Variants in CCBE1 observed in about 807,000 individuals in gnomAD.
The protein encoded by CCBE1 is collagen and calcium-binding EGF domain-containing protein 1.
A neutral mutation model predicts 50.0 loss-of-function variants in CCBE1; 37 were observed. That is an observed-to-expected ratio of 0.74 (90% CI 0.57 to 0.97). CCBE1 has a LOEUF of 0.97. CCBE1 is among the 50% of genes least tolerant of loss of function. The probability of loss-of-function intolerance (pLI) is 0.00; values close to 1 mark genes in which losing one functional copy is unlikely to be tolerated. For synonymous variants in CCBE1, 234 were observed against 203.7 expected (o/e 1.15, Z -1.27); for missense variants, 538 against 523.8 (o/e 1.03, Z -0.26).
At position 59,500,472 on chromosome 18, in the gene CCBE1, T is replaced by C. The variant is rs116878853; in HGVS notation, c.213-20234A>G. Among the ~76,000 whole-genome samples, 10 of 152,268 alleles carry C rather than the reference T, an allele frequency of 6.6e-5. No individual in the cohort carries two copies. In the East Asian group the frequency reaches 1.7e-3, roughly 26 times the overall value. On this transcript the variant is annotated intron_variant, in intron 2 of 10. Coordinates refer to ENST00000439986, the MANE Select transcript of CCBE1 (RefSeq NM_133459.4). ...ACTGTGGGCCATGCTCTCCTGGGTA[T>C]CTTTCTAGTAGAAGCCTCCCAGCAG...
At chr18:59,611,868 T>C (rs1486676998) in intron 2 of CCBE1, among the ~76,000 whole-genome samples, 2 of 152,330 alleles carry the variant, frequency 1.3e-5, no homozygotes, top group East Asian at 1.9e-4. Context: ...TTCAGAGTTA[T>C]AGATTGAAAT....
chr18:59,559,374 C>T (rs559843668), intron 2 of CCBE1, among the ~76,000 whole-genome samples: 26 of 152,334 alleles, frequency 1.7e-4, no homozygotes, highest in African/African-American at 6.0e-4. Context: ...ATAAGCAGCT[C>T]TTGGGCCCCA....
At position 59,432,181 on chromosome 18, in the gene CCBE1, T is replaced by G. The variant is rs974017648; in HGVS notation, c.*3727A>C. 2.0e-5 allele frequency: 3 copies of G among 152,204 alleles called. No homozygotes were observed. The highest frequency in any genetic ancestry group is 4.4e-5 in the Non-Finnish European group (3 of 68,070). The allele number at this position is 152,204 out of a possible 1,614,324, so 9.4% of individuals were successfully genotyped here. A position where few individuals can be genotyped will look rare whatever the true frequency, so the allele number is the denominator to read the frequency against. The stretch of plus-strand genomic sequence containing the variant: ...TCACCACGTGTTGGTCAGGATGGTC[T>G]TGATCTCCTGACCTCATGATGCGCC... On this transcript the variant is annotated 3_prime_UTR_variant, in exon 11 of 11. Coordinates refer to ENST00000439986, the MANE Select transcript of CCBE1 (RefSeq NM_133459.4).
At position 59,674,026 on chromosome 18, in the gene CCBE1, C is replaced by T. The variant is rs962973131; in HGVS notation, c.212+22603G>A. ...AGTTTCAGAAGGAATGGTACCAGCT[C>T]CTCTTTGTACCTCTGGTAGAATTCA... On this transcript the variant is annotated intron_variant, in intron 2 of 10. Coordinates refer to ENST00000439986, the MANE Select transcript of CCBE1 (RefSeq NM_133459.4). Among the ~76,000 whole-genome samples, 3 of 152,136 alleles carry T rather than the reference C, an allele frequency of 2.0e-5. No homozygotes were observed. The East Asian group carries it at 5.8e-4, about 29-fold the overall frequency.
rs2053234231 is a variant in CCBE1, at chr18:59,589,797, A to C, written c.212+106832T>G. Among the ~76,000 whole-genome samples the C allele has an allele frequency of 2.2e-5, 3 of 136,568 alleles. No individual in the cohort carries two copies. In the South Asian group the frequency reaches 7.4e-4, roughly 34 times the overall value. The allele number at this position is 136,568 out of a possible 152,430, so 89.6% of individuals were successfully genotyped here. On this transcript the variant is annotated intron_variant, in intron 2 of 10. Coordinates refer to ENST00000439986, the MANE Select transcript of CCBE1 (RefSeq NM_133459.4). ...CAGAGCGAGACTCCATCTCAAAAAA[A>C]AAAAAAAAAAAAAAGAAAGAAAAAA...
At chr18:59,480,542 G>C (rs1912524125) in intron 2 of CCBE1, among the ~76,000 whole-genome samples, 1 of 152,092 alleles carries the variant, frequency 6.6e-6, no homozygotes, top group South Asian at 2.1e-4. Context: ...AAGGAGTATA[G>C]GGCATAAATA....
rs541238220 is a variant in CCBE1 at position 59,491,845 on chromosome 18, C to T, written c.213-11607G>A. On this transcript the variant is annotated intron_variant, in intron 2 of 10. Transcript: ENST00000439986. ...AAACAAACAAACAAACAAAAAAAAACGTTTCATGGTCTATTCCCCAGCTAA... is the reference window on the plus strand; with the variant it reads ...AAACAAACAAACAAACAAAAAAAAATGTTTCATGGTCTATTCCCCAGCTAA... Among the ~76,000 whole-genome samples, 133 of 25,338 alleles carry T rather than the reference C, an allele frequency of 5.2e-3. 1 individual carries two copies. Among genetic ancestry groups the T allele is most frequent in the African/African-American group, 0.021 (129 of 6,024 alleles). 16.6% of individuals were successfully genotyped at this position (25,338 alleles called of 152,430 possible). A position where few individuals can be genotyped will look rare whatever the true frequency, so the allele number is the denominator to read the frequency against.
chr18:59,481,910 T>G lies in CCBE1; in HGVS notation c.213-1672A>C, dbSNP rs79635893. On this transcript the variant is annotated intron_variant, in intron 2 of 10. Coordinates refer to ENST00000439986, the MANE Select transcript of CCBE1 (RefSeq NM_133459.4). Reference sequence around the variant, plus strand: ...ATATCTGAGTACATATGAAGAATTTTTAAGTTCTGGATACATGTGCAGCGC... The same window carrying G: ...ATATCTGAGTACATATGAAGAATTTGTAAGTTCTGGATACATGTGCAGCGC... Among the ~76,000 whole-genome samples the G allele has an allele frequency of 2.5e-3, 385 of 152,274 alleles. 4 individuals carry two copies. The highest frequency in any genetic ancestry group is 9.0e-3 in the African/African-American group (373 of 41,564).
intron 2 of CCBE1, among the ~76,000 whole-genome samples, chr18:59,539,190 C>CAG (rs1915369328): frequency 7.5e-6 from 1 of 134,178 alleles, no homozygotes; most frequent in Non-Finnish European, 1.6e-5. Context: ...AAAAAACACA[C>CAG]ACACACACAC....
At chr18:59,446,646 T>G (rs1192264334) in intron 7 of CCBE1, among the ~76,000 whole-genome samples, 1 of 152,218 alleles carries the variant, frequency 6.6e-6, no homozygotes, top group Non-Finnish European at 1.5e-5. Context: ...TTGCTGACTT[T>G]CCAACCGAAA....
chr18:59,580,866 A>G (rs528512310), intron 2 of CCBE1, among the ~76,000 whole-genome samples: 1 of 152,320 alleles, frequency 6.6e-6, no homozygotes, highest in East Asian at 1.9e-4. Flanking sequence ...AGTGGCCATG[A>G]CATGCTGGCC....
At chr18:59,477,838 T>C (rs1354479536) in intron 3 of CCBE1, among the ~76,000 whole-genome samples, 1 of 152,164 alleles carries the variant, frequency 6.6e-6, no homozygotes, top group African/African-American at 2.4e-5. Flanking sequence ...AGATTAGGTA[T>C]GGTTTAAGAA....
Position 59,665,197 on chromosome 18 carries a change from G to A in CCBE1, c.212+31432C>T, listed in dbSNP as rs943908118. Among the ~76,000 whole-genome samples, 22 of 151,998 alleles carry A rather than the reference G, an allele frequency of 1.4e-4. 1 individual carries two copies. The highest frequency in any genetic ancestry group is 2.5e-4 in the Non-Finnish European group (17 of 68,000). ...GAGTCCCCCCGAGACAAAAGCTCAC[G>A]CAAGAGGATGCAGGCAAAAGTCTGT... is the stretch of plus-strand genomic sequence containing the variant. On this transcript the variant is annotated intron_variant, in intron 2 of 10. Transcript: ENST00000439986.
chr18:59,502,695 C>CA (rs202079522), intron 2 of CCBE1, among the ~76,000 whole-genome samples: 2,146 of 149,718 alleles, frequency 0.014, 50 homozygotes, highest in African/African-American at 0.048. Flanking sequence ...CCTCCCCCCG[C>CA]AAAAAAAAAG....
At chr18:59,658,879 CAAAAAAAAAAAA>C (rs61226521) in intron 2 of CCBE1, among the ~76,000 whole-genome samples, 3 of 54,754 alleles carry the variant, frequency 5.5e-5, no homozygotes, top group Admixed American at 2.9e-4. Flanking sequence ...GACTCTGTCT[CAAAAAAAAAAAA>C]AAAAAAAAAA....
At chr18:59,458,562 C>T (rs148586123) in intron 5 of CCBE1, among the ~76,000 whole-genome samples, 1 of 152,198 alleles carries the variant, frequency 6.6e-6, no homozygotes, top group African/African-American at 2.4e-5. Flanking sequence ...TAGAACGTAT[C>T]TTTAGTTCAA....
chr18:59,527,008 T>C (rs1208138303), intron 2 of CCBE1, among the ~76,000 whole-genome samples: 1 of 152,234 alleles, frequency 6.6e-6, no homozygotes, highest in African/African-American at 2.4e-5. Flanking sequence ...GAGAGTTCTG[T>C]AGCTATCTAA....
In CCBE1 at chr18:59,595,114, C is replaced by CAAAAAAA. The variant is rs546035209; in HGVS notation, c.212+101508_212+101514dup. Among the ~76,000 whole-genome samples, 22 of 73,576 alleles carry CAAAAAAA rather than the reference C, an allele frequency of 3.0e-4. 1 individual carries two copies. The highest frequency in any genetic ancestry group is 8.4e-4 in the African/African-American group (19 of 22,496). 48.3% of individuals were successfully genotyped at this position (73,576 alleles called of 152,430 possible). A position where few individuals can be genotyped will look rare whatever the true frequency, so the allele number is the denominator to read the frequency against. On this transcript the variant is annotated intron_variant, in intron 2 of 10. Transcript: ENST00000439986. ...CTGGCAACAGAGCGAGACTCTGTCT[C>CAAAAAAA]AAAAAAAAAAAAAAAAAAATCCATT...
chr18:59,679,152 G>A (rs911816331), intron 2 of CCBE1, among the ~76,000 whole-genome samples: 1 of 152,132 alleles, frequency 6.6e-6, no homozygotes, highest in Non-Finnish European at 1.5e-5. Flanking sequence ...CCCATACAGT[G>A]ATCTGCTCTA....
Sources: gnomAD v4.1 joint callset for allele counts (sites outside exome capture counted in the v4.1 genomes callset) on GRCh38, gnomAD v4.1.1 for gene constraint, MANE v1.5 for transcripts, NCBI Gene and HGNC (gene_info 2026-07-23, HGNC 2026-07-21) for gene names.